The following PCDH9 variants were observed in gnomAD, a reference collection of about 807,000 sequenced individuals.
The protein encoded by PCDH9 is protocadherin-9.
A neutral mutation model predicts 70.6 loss-of-function variants in PCDH9; 24 were observed. That is an observed-to-expected ratio of 0.34 (90% CI 0.25 to 0.48). The LOEUF is 0.48. Among genes scored for constraint, PCDH9 ranks in the 20% least tolerant of loss-of-function variants. PCDH9 has a pLI of 0.99. For synonymous variants in PCDH9, 562 were observed against 558.5 expected, an observed-to-expected ratio of 1.01 and a Z score of -0.09; for missense variants, 1,281 against 1,503.6, an observed-to-expected ratio of 0.85 and a Z score of 2.45.
chr13:66,492,186 G>C (rs575421416), intron 4 of PCDH9, among the ~76,000 whole-genome samples: 1 of 152,120 alleles, frequency 6.6e-6, no homozygotes, highest in East Asian at 1.9e-4. Flanking sequence ...ATTTATAGTT[G>C]TTGTGATTTG....
intron 4 of PCDH9, among the ~76,000 whole-genome samples, chr13:66,455,482 C>T (rs1023936530): frequency 8.6e-5 from 13 of 151,994 alleles, no homozygotes; most frequent in African/African-American, 3.1e-4. Context: ...TTATGTTTCA[C>T]TCTTGCCCCA....
intron 4 of PCDH9, among the ~76,000 whole-genome samples, chr13:66,367,438 G>A (rs1956572390): frequency 1.3e-5 from 2 of 152,100 alleles, no homozygotes; most frequent in Non-Finnish European, 1.5e-5. Context: ...AAATGTTTCA[G>A]TTCTAACTAT....
At chr13:66,395,582 T>C (rs954254051) in intron 4 of PCDH9, among the ~76,000 whole-genome samples, 4 of 151,510 alleles carry the variant, frequency 2.6e-5, no homozygotes, top group Admixed American at 2.6e-4. Context: ...CCTGGTAACA[T>C]AGTAAGACTC....
At chr13:67,082,846 A>G (rs1473626783) in intron 2 of PCDH9, among the ~76,000 whole-genome samples, 1 of 152,202 alleles carries the variant, frequency 6.6e-6, no homozygotes, top group African/African-American at 2.4e-5. Flanking sequence ...TTTGTAAAGG[A>G]TAGACCAAAT....
chr13:67,207,042 CT>C (rs767649092), intron 2 of PCDH9: 52 of 151,288 alleles, frequency 3.4e-4, no homozygotes, highest in Admixed American at 2.7e-3. Flanking sequence ...CATATACTGT[CT>C]GTGAATGTTC....
intron 3 of PCDH9, among the ~76,000 whole-genome samples, chr13:66,703,987 G>A (rs778971760): frequency 6.6e-6 from 1 of 152,128 alleles, no homozygotes; most frequent in Non-Finnish European, 1.5e-5. Context: ...TTTTAATTCA[G>A]TTCATAAAGA....
chr13:67,039,888 T>C (rs534176552), intron 2 of PCDH9, among the ~76,000 whole-genome samples: 1 of 152,116 alleles, frequency 6.6e-6, no homozygotes, highest in Non-Finnish European at 1.5e-5. Context: ...ACTAAGAACT[T>C]CATTTGTGGT....
At chr13:66,724,319 A>G (rs1593955897) in intron 3 of PCDH9, among the ~76,000 whole-genome samples, 1 of 152,220 alleles carries the variant, frequency 6.6e-6, no homozygotes, top group East Asian at 1.9e-4. Context: ...CATGGAAAAT[A>G]TGAAAAAGCA....
At chr13:66,747,218 G>A (rs2079381791) in intron 3 of PCDH9, among the ~76,000 whole-genome samples, 1 of 152,114 alleles carries the variant, frequency 6.6e-6, no homozygotes, top group Non-Finnish European at 1.5e-5. Flanking sequence ...AGATATGGTG[G>A]TGTGTGCCTG....
rs2083657355 is a variant in PCDH9 at position 66,978,029 on chromosome 13, C to T, written c.3037-74424G>A. ...CCCTTAAAACACTTTAAAGCCCTTTCGTAAGTGAAAAGAAACACTAAAATG... is the reference window on the plus strand; with the variant it reads ...CCCTTAAAACACTTTAAAGCCCTTTTGTAAGTGAAAAGAAACACTAAAATG... On this transcript the variant is annotated intron_variant, in intron 2 of 4. Coordinates refer to ENST00000377865, the MANE Select transcript of PCDH9 (RefSeq NM_203487.3). 2.0e-5 allele frequency among the ~76,000 whole-genome samples: 3 copies of T among 152,142 alleles called. No homozygotes were observed. In the South Asian group the frequency reaches 6.2e-4, roughly 32 times the overall value.
At chr13:67,132,710 C>A (rs1345644385) in intron 2 of PCDH9, among the ~76,000 whole-genome samples, 2 of 151,922 alleles carry the variant, frequency 1.3e-5, no homozygotes, top group East Asian at 1.9e-4. Context: ...AAAAAAATAA[C>A]TTTTTATGAC....
intron 2 of PCDH9, chr13:67,219,277 T>A: frequency 6.6e-6 from 1 of 152,032 alleles, no homozygotes; most frequent in East Asian, 1.9e-4. Flanking sequence ...ATGTCAATCA[T>A]GGTAATAAAT....
intron 2 of PCDH9, among the ~76,000 whole-genome samples, chr13:67,095,651 A>G (rs1032940228): frequency 6.6e-6 from 1 of 152,132 alleles, no homozygotes; most frequent in Non-Finnish European, 1.5e-5. Context: ...GTTTCTTCTA[A>G]TGGAATTCCT....
At chr13:66,823,565 T>C (rs1162061762) in intron 3 of PCDH9, among the ~76,000 whole-genome samples, 2 of 152,042 alleles carry the variant, frequency 1.3e-5, no homozygotes, top group Non-Finnish European at 2.9e-5. Flanking sequence ...CAGTATAGGA[T>C]GAAGATGATA....
At chr13:66,922,503 G>A (rs1260271717) in intron 2 of PCDH9, among the ~76,000 whole-genome samples, 1 of 151,410 alleles carries the variant, frequency 6.6e-6, no homozygotes, top group East Asian at 1.9e-4. Context: ...TTCTACAAAT[G>A]TGTAGGAGTA....
intron 2 of PCDH9, among the ~76,000 whole-genome samples, chr13:66,918,020 A>G (rs991467425): frequency 6.6e-6 from 1 of 151,278 alleles, no homozygotes; most frequent in Non-Finnish European, 1.5e-5. Context: ...ATGTTCGAGG[A>G]TGATTGGTTC....
intron 4 of PCDH9, among the ~76,000 whole-genome samples, chr13:66,336,311 C>T (rs1400382654): frequency 2.6e-5 from 4 of 151,620 alleles, no homozygotes; most frequent in African/African-American, 9.7e-5. Flanking sequence ...GCTGAGAATA[C>T]ATGTTTGGAT....
Position 66,761,236 on chromosome 13 carries a change from G to A in PCDH9, c.3139-129825C>T, listed in dbSNP as rs149637254. On this transcript the variant is annotated intron_variant, in intron 3 of 4. Transcript: ENST00000377865. Reference sequence around the variant, plus strand: ...CCTGCTGACATGTGATGTCACCCCCGGAAACCCAGCTGTAAAATTTCTCTC... The same window carrying A: ...CCTGCTGACATGTGATGTCACCCCCAGAAACCCAGCTGTAAAATTTCTCTC... Among the ~76,000 whole-genome samples, 108 of 152,100 alleles carry A rather than the reference G, an allele frequency of 7.1e-4. 1 individual carries two copies. The East Asian group carries it at 0.017, about 24-fold the overall frequency.
intron 4 of PCDH9, among the ~76,000 whole-genome samples, chr13:66,455,368 A>G (rs1958298460): frequency 6.6e-6 from 1 of 151,908 alleles, no homozygotes; most frequent in Non-Finnish European, 1.5e-5. Context: ...AAGAATTATA[A>G]CAATATTCTC....
Sources: gnomAD v4.1 joint callset for allele counts (sites outside exome capture counted in the v4.1 genomes callset) on GRCh38, gnomAD v4.1.1 for gene constraint, MANE v1.5 for transcripts, NCBI Gene and HGNC (gene_info 2026-07-23, HGNC 2026-07-21) for gene names.